The following POFUT4 variants were observed in gnomAD, a reference collection of about 807,000 sequenced individuals.
POFUT4 encodes the protein protein O-fucosyltransferase 4.
At chr10:73,775,917 A>G in the POFUT4 span, 1 of 527,064 alleles carries the variant, frequency 1.9e-6, no homozygotes, top group Non-Finnish European at 3.4e-6. Context: ...AGTGGGAAAC[A>G]GAACCCTAAA....
At chr10:73,772,742 C>T in the POFUT4 span, 6 of 1,600,120 alleles carry the variant, frequency 3.7e-6, no homozygotes, top group African/African-American at 2.7e-5. Context: ...GCTGCCGCGC[C>T]TGGCGCACCA....
the POFUT4 span, chr10:73,772,613 G>T: frequency 2.6e-6 from 4 of 1,563,266 alleles, no homozygotes; most frequent in Non-Finnish European, 3.5e-6. Context: ...GGGAGACTCG[G>T]AGCGCATCGA....
chr10:73,778,496 C>T, the POFUT4 span, among the ~76,000 whole-genome samples: 7 of 151,246 alleles, frequency 4.6e-5, no homozygotes, highest in Non-Finnish European at 1.0e-4. Context: ...AGACCATTAG[C>T]TCTTTCTGGG....
chr10:73,772,595 C>A, the POFUT4 span: 15 of 1,576,692 alleles, frequency 9.5e-6, 1 homozygote, highest in East Asian at 3.3e-4. Context: ...GCTATTCCCC[C>A]ACTTCCCGGG....
At chr10:73,775,421 G>A in the POFUT4 span, 1 of 1,611,022 alleles carries the variant, frequency 6.2e-7, no homozygotes, top group Non-Finnish European at 8.5e-7. Context: ...TTTCACAGCA[G>A]TCTTGTCCAA....
At chr10:73,775,307 A>G in the POFUT4 span, 2 of 991,214 alleles carry the variant, frequency 2.0e-6, no homozygotes, top group African/African-American at 1.6e-5. Flanking sequence ...GAAGCAGGCA[A>G]GTCAGGAATC....
At chr10:73,773,152 G>T in the POFUT4 span, 1 of 1,561,598 alleles carries the variant, frequency 6.4e-7, no homozygotes. Context: ...GGCCTCCAGG[G>T]CCGCACCCTC....
At chr10:73,778,377 G>T in the POFUT4 span, among the ~76,000 whole-genome samples, 5 of 140,488 alleles carry the variant, frequency 3.6e-5, no homozygotes, top group African/African-American at 1.4e-4. Flanking sequence ...TGGGTGACGA[G>T]CGAAACTCCA....
the POFUT4 span, chr10:73,772,559 C>A: frequency 6.3e-7 from 1 of 1,579,620 alleles, no homozygotes; most frequent in Non-Finnish European, 8.6e-7. Flanking sequence ...GGGGGACTTG[C>A]CGGTACTGCT....
chr10:73,773,311 A>G, the POFUT4 span: 1 of 1,613,968 alleles, frequency 6.2e-7, no homozygotes, highest in Non-Finnish European at 8.5e-7. Flanking sequence ...TATAAGTTCC[A>G]CTTGGCCCTG....
At chr10:73,775,113 C>A in the POFUT4 span, 1 of 362,706 alleles carries the variant, frequency 2.8e-6, no homozygotes, top group East Asian at 4.6e-5. Context: ...CAGGTTATGT[C>A]TTTTCTAGAT....
chr10:73,776,484 G>C, the POFUT4 span, among the ~76,000 whole-genome samples: 2 of 151,922 alleles, frequency 1.3e-5, no homozygotes, highest in African/African-American at 2.4e-5. Flanking sequence ...TTGAAGCCAG[G>C]AGTTTGAGAC....
chr10:73,775,372 C>T, the POFUT4 span: 4 of 1,544,318 alleles, frequency 2.6e-6, no homozygotes, highest in South Asian at 1.1e-5. Context: ...TACTGCCTGT[C>T]GCTTGGGCTT....
the POFUT4 span, chr10:73,772,920 C>A: frequency 1.2e-5 from 20 of 1,610,786 alleles, no homozygotes; most frequent in Non-Finnish European, 1.7e-5. Flanking sequence ...CCGGTGCCTC[C>A]GCCCATGGAA....
At chr10:73,779,954 T>G in the POFUT4 span, 2 of 152,248 alleles carry the variant, frequency 1.3e-5, no homozygotes, top group Non-Finnish European at 2.9e-5. Context: ...AAGAGCAGTG[T>G]AAACCAGGTA....
chr10:73,774,053 G>A, the POFUT4 span: 4 of 502,950 alleles, frequency 8.0e-6, no homozygotes, highest in Non-Finnish European at 1.4e-5. Context: ...AATGTTTCCA[G>A]TAGTGGTTCA....
chr10:73,778,451 T>TG, the POFUT4 span, among the ~76,000 whole-genome samples: 5 of 150,550 alleles, frequency 3.3e-5, no homozygotes, highest in Non-Finnish European at 1.5e-5. Flanking sequence ...ACCCTTCTGT[T>TG]GCTGTGGTTT....
chr10:73,775,713 C>T, the POFUT4 span: 4 of 1,612,164 alleles, frequency 2.5e-6, no homozygotes, highest in South Asian at 1.1e-5. Flanking sequence ...TTTAACTTGG[C>T]GGAGCTAAGG....
chr10:73,778,552 TTGTAA>T, the POFUT4 span, among the ~76,000 whole-genome samples: 2 of 152,052 alleles, frequency 1.3e-5, no homozygotes, highest in African/African-American at 4.8e-5. Flanking sequence ...GCTACTCTAG[TTGTAA>T]TGTATTAGTG....
Sources: gnomAD v4.1 joint callset for allele counts (sites outside exome capture counted in the v4.1 genomes callset) on GRCh38, gnomAD v4.1.1 for gene constraint, MANE v1.5 for transcripts, NCBI Gene and HGNC (gene_info 2026-07-23, HGNC 2026-07-21) for gene names.